The following LRRC75B variants were observed in gnomAD, a reference collection of about 807,000 sequenced individuals.
LRRC75B encodes leucine rich repeat containing 75B, also known as leucine-rich repeat-containing protein 75B.
Under a neutral mutation model 16.5 loss-of-function variants are expected in LRRC75B, and 20 were observed. That is an observed-to-expected ratio of 1.21 (90% CI 0.85 to 1.76). The LOEUF (loss-of-function observed/expected upper bound fraction) is 1.76, where lower values mean the gene tolerates loss of function less well. Ranked by LOEUF, LRRC75B falls within the 40% of genes most tolerant of loss-of-function variation. The pLI is 0.00. For missense variants in LRRC75B, 406 were observed against 417.0 expected, an observed-to-expected ratio of 0.97 and a Z score of 0.23; for synonymous variants, 199 against 198.1, an observed-to-expected ratio of 1.00 and a Z score of -0.04.
At chr22:24,588,879 A>C in intron 2 of LRRC75B, 4 of 1,006,686 alleles carry the variant, frequency 4.0e-6, no homozygotes, top group Non-Finnish European at 4.7e-6. Context: ...GCTCTCTCTC[A>C]GTCCTAACTG....
In LRRC75B at chr22:24,586,157, C is replaced by G; in HGVS notation, c.677G>C (p.Arg226Pro). 1.2e-6 allele frequency: 2 copies of G among 1,613,404 alleles called. No homozygotes were observed. The highest frequency in any genetic ancestry group is 1.1e-5 in the South Asian group (1 of 91,092). Reference protein sequence around the residue: ...NGNRLTRATARKLTDAIKDTT... With the variant: ...NGNRLTRATAPKLTDAIKDTT... ...GTCCTTGATGGCATCAGTGAGCTTG[C>G]GGGCAGTGGCCCGCGTCAGTCGGTT... The change falls in exon 4 of 4, where the codon CGC becomes CCC. Residue 226 changes from arginine to proline, a missense_variant. Arg to Pro is a moderately radical substitution (Grantham distance 103). Transcript: ENST00000318753.
rs1447472028 is a variant in LRRC75B at position 24,589,823 on chromosome 22, T to A, written c.304A>T (p.Lys102Ter). The A allele has an allele frequency of 2.5e-6, 4 of 1,612,230 alleles. 1 individual carries two copies. The South Asian group carries it at 3.3e-5, about 13-fold the overall frequency. Residue 102 changes from lysine to a stop codon, truncating the protein, a stop_gained and splice_region_variant, in exon 2 of 4, where the codon AAG (lysine) becomes TAG (stop). Transcript: ENST00000318753. LOFTEE classifies it high-confidence loss of function. ...GGGCCCGTGCCTGCCAGCCTCACCTTCTTGGGGCACTGCAGGTCCCGGGCC... is the reference window on the plus strand; with the variant it reads ...GGGCCCGTGCCTGCCAGCCTCACCTACTTGGGGCACTGCAGGTCCCGGGCC... ...NLARDLQCPKKDYELWKSSDK... is the reference protein window; with the variant it reads ...NLARDLQCPK
intron 2 of LRRC75B, chr22:24,588,595 T>C (rs763279040): frequency 1.0e-5 from 10 of 955,968 alleles, no homozygotes; most frequent in Non-Finnish European, 8.4e-6. Flanking sequence ...AATGAGCCCT[T>C]GTTCCCTGTC....
intron 2 of LRRC75B, chr22:24,589,050 G>A: frequency 4.9e-6 from 5 of 1,024,038 alleles, no homozygotes; most frequent in Non-Finnish European, 5.9e-6. Context: ...TTCCTGTGAT[G>A]GCCGTGGGCT....
intron 1 of LRRC75B, chr22:24,592,609 G>T (rs908495138): frequency 1.9e-6 from 1 of 530,626 alleles, no homozygotes; most frequent in African/African-American, 2.0e-5. Flanking sequence ...GACACACTCA[G>T]CAGCCCCCTC....
chr22:24,592,761 G>A, intron 1 of LRRC75B, 102 bp downstream of exon 1: 1 of 1,280,806 alleles, frequency 7.8e-7, no homozygotes, highest in African/African-American at 1.6e-5. Context: ...TCGCCTCCCG[G>A]CGGATACAGG....
intron 3 of LRRC75B, among the ~76,000 whole-genome samples, chr22:24,587,270 G>A (rs559588586): frequency 2.6e-5 from 4 of 152,324 alleles, no homozygotes; most frequent in Non-Finnish European, 4.4e-5. Context: ...GTGCAGGCTG[G>A]GGGCCGGCCA....
chr22:24,586,479 G>A, intron 3 of LRRC75B, 68 bp from the exon 4 acceptor site: 1 of 1,506,796 alleles, frequency 6.6e-7, no homozygotes, highest in Non-Finnish European at 9.0e-7. Flanking sequence ...CACAGACAGT[G>A]ACCTGTCGGG....
chr22:24,589,233 C>T (rs754641680), intron 2 of LRRC75B: 20 of 1,262,612 alleles, frequency 1.6e-5, no homozygotes, highest in Non-Finnish European at 1.8e-5. Context: ...GGCAGGACAT[C>T]TGCAGGTGCT....
At chr22:24,588,550 C>G (rs1009681067) in intron 2 of LRRC75B, 44 of 765,322 alleles carry the variant, frequency 5.7e-5, no homozygotes, top group Non-Finnish European at 7.5e-5. Context: ...CAGGCTGGTC[C>G]AGTCCCGCAG....
Position 24,589,818 on chromosome 22 carries a change from C to T in LRRC75B, c.306+3G>A, listed in dbSNP as rs1285186318. On this transcript the variant is annotated splice_donor_region_variant and intron_variant, in intron 2 of 3. Coordinates refer to ENST00000318753, the MANE Select transcript of LRRC75B (RefSeq NM_207644.3). ...GCCCAGGGCCCGTGCCTGCCAGCCT[C>T]ACCTTCTTGGGGCACTGCAGGTCCC... 1.9e-6 allele frequency: 3 copies of T among 1,611,470 alleles called. No homozygotes were observed. Among genetic ancestry groups the T allele is most frequent in the Non-Finnish European group, 2.5e-6 (3 of 1,179,162 alleles).
chr22:24,588,535 C>T (rs958332088), intron 2 of LRRC75B: 11 of 755,602 alleles, frequency 1.5e-5, no homozygotes, highest in Non-Finnish European at 2.1e-5. Context: ...CCTCTGGGAG[C>T]TGGACAGGCT....
chr22:24,588,222 G>T lies in LRRC75B; in HGVS notation c.414C>A (p.Thr138=). The part of the protein sequence containing the change: ...QQGSSLRQRK[T]QSCLKSSLQK... The stretch of plus-strand genomic sequence containing the variant: ...GGCTGGGCTACCCTTACCAGCTCTG[G>T]GTCTTCCTCTGGCGCAGGCTGGACC... The change falls in exon 3 of 4, where the codon ACC becomes ACA. Residue 138 remains threonine (T), a synonymous_variant. Coordinates refer to ENST00000318753, the MANE Select transcript of LRRC75B (RefSeq NM_207644.3). 6.2e-7 allele frequency: 1 copy of T among 1,612,424 alleles called. No individual in the cohort carries two copies. Among genetic ancestry groups the T allele is most frequent in the Non-Finnish European group, 8.5e-7 (1 of 1,179,418 alleles).
chr22:24,586,458 C>A (rs776288075), intron 3 of LRRC75B, 47 bp from the exon 4 acceptor site: 1 of 1,562,076 alleles, frequency 6.4e-7, no homozygotes, highest in Non-Finnish European at 8.7e-7. Flanking sequence ...CCAGGCAGTC[C>A]CCCCACTGAC....
In LRRC75B at chr22:24,586,286, G is replaced by T. The variant is rs41277319; in HGVS notation, c.548C>A (p.Ala183Glu). Residue 183 changes from alanine (A) to glutamate (E), a missense_variant, in exon 4 of 4, where the codon GCG (alanine) becomes GAG (glutamate). By Grantham distance (107) the Ala-to-Glu change is moderately radical. Coordinates refer to ENST00000318753, the MANE Select transcript of LRRC75B (RefSeq NM_207644.3). ...RYLSSHGAVLAVLDLSFTGLS... is the reference protein window; with the variant it reads ...RYLSSHGAVLEVLDLSFTGLS... ...CCCCGTGAAGCTCAGGTCCAGCACC[G>T]CCAGCACAGCACCATGGCTGCTCAG... 4 of 1,613,858 alleles carry T rather than the reference G, an allele frequency of 2.5e-6. No homozygotes were observed. The African/African-American group carries it at 5.3e-5, about 22-fold the overall frequency.
intron 3 of LRRC75B, among the ~76,000 whole-genome samples, chr22:24,588,001 G>C (rs1189533974): frequency 6.6e-6 from 1 of 152,166 alleles, no homozygotes; most frequent in Non-Finnish European, 1.5e-5. Flanking sequence ...TGTGGGAAAT[G>C]CCAAACGGGT....
In LRRC75B at chr22:24,587,832, C is replaced by T. The variant is rs564552130; in HGVS notation, c.422+382G>A. Among the ~76,000 whole-genome samples, 16 of 152,242 alleles carry T rather than the reference C, an allele frequency of 1.1e-4. No homozygotes were observed. The South Asian group carries it at 1.2e-3, about 12-fold the overall frequency. ...GTTTCCTTCCCTCTAAAATGAGAAT[C>T]GCGATCCAGAATCTGCCTCCCCCGC... is the stretch of plus-strand genomic sequence containing the variant. On this transcript the variant is annotated intron_variant, in intron 3 of 3. Transcript: ENST00000318753.
At position 24,585,864 on chromosome 22, in the gene LRRC75B, A is replaced by G. The variant is rs1488631545; in HGVS notation, c.*22T>C. 1.3e-6 allele frequency: 2 copies of G among 1,550,574 alleles called. No homozygotes were observed. The highest frequency in any genetic ancestry group is 2.4e-5 in the East Asian group (1 of 42,282). Reference sequence around the variant, plus strand: ...CTTGAGAGCATCACAAGTCAGTAGCAATGAGCCAGGTGGGTGGTGGGTCAC... The same window carrying G: ...CTTGAGAGCATCACAAGTCAGTAGCGATGAGCCAGGTGGGTGGTGGGTCAC... On this transcript the variant is annotated 3_prime_UTR_variant, in exon 4 of 4. Coordinates refer to ENST00000318753, the MANE Select transcript of LRRC75B (RefSeq NM_207644.3).
rs530688377 is a variant in LRRC75B, at chr22:24,585,868, A to C, written c.*18T>G. On this transcript the variant is annotated 3_prime_UTR_variant, in exon 4 of 4. Coordinates refer to ENST00000318753, the MANE Select transcript of LRRC75B (RefSeq NM_207644.3). ...AGAGCATCACAAGTCAGTAGCAATG[A>C]GCCAGGTGGGTGGTGGGTCACCTGG... 82 of 1,557,030 alleles carry C rather than the reference A, an allele frequency of 5.3e-5. No individual in the cohort carries two copies. The South Asian group carries it at 9.3e-4, about 18-fold the overall frequency.
Sources: allele counts gnomAD v4.1 joint callset (sites outside exome capture counted in the v4.1 genomes callset), GRCh38; gene constraint gnomAD v4.1.1; transcripts MANE v1.5; gene names NCBI Gene and HGNC (gene_info 2026-07-23, HGNC 2026-07-21).